Variants in GPC5 observed in about 807,000 individuals in gnomAD.
GPC5 encodes the protein glypican 5.
A neutral mutation model predicts 53.9 loss-of-function variants in GPC5; 47 were observed. The ratio of observed to expected loss-of-function variants is 0.87; its 90% confidence interval spans 0.69 to 1.11. The LOEUF (loss-of-function observed/expected upper bound fraction) is 1.11. Among genes scored for constraint, GPC5 ranks in the 50% most tolerant of loss-of-function variants. The probability of loss-of-function intolerance (pLI) is 0.00; values close to 1 mark genes in which losing one functional copy is unlikely to be tolerated. For synonymous variants in GPC5, 286 were observed against 263.3 expected, an observed-to-expected ratio of 1.09 and a Z score of -0.84; for missense variants, 748 against 713.1, an observed-to-expected ratio of 1.05 and a Z score of -0.56.
At chr13:91,860,103 C>G (rs1373128327) in intron 5 of GPC5, among the ~76,000 whole-genome samples, 3 of 152,060 alleles carry the variant, frequency 2.0e-5, no homozygotes, top group Non-Finnish European at 4.4e-5. Context: ...CTATTTGAAA[C>G]TATATAATAT....
chr13:92,779,482 G>C (rs1485524022), intron 7 of GPC5, among the ~76,000 whole-genome samples: 1 of 152,030 alleles, frequency 6.6e-6, no homozygotes, highest in Non-Finnish European at 1.5e-5. Context: ...TGTTTTCCCA[G>C]GTTGCATGGA....
At chr13:91,840,522 T>C (rs1264241579) in intron 5 of GPC5, among the ~76,000 whole-genome samples, 1 of 152,006 alleles carries the variant, frequency 6.6e-6, no homozygotes, top group South Asian at 2.1e-4. Context: ...TAAAACCTTC[T>C]GAGAATAAAA....
At chr13:91,615,132 C>T (rs1166846419) in intron 2 of GPC5, among the ~76,000 whole-genome samples, 1 of 152,118 alleles carries the variant, frequency 6.6e-6, no homozygotes. Context: ...TTTGTTCTCA[C>T]AGGATGTTTT....
intron 7 of GPC5, among the ~76,000 whole-genome samples, chr13:92,538,637 G>A (rs188859197): frequency 4.2e-5 from 6 of 142,522 alleles, no homozygotes; most frequent in South Asian, 2.3e-4. Flanking sequence ...AGCAGGCCCC[G>A]GTGTGTGATG....
intron 7 of GPC5, among the ~76,000 whole-genome samples, chr13:92,541,217 G>A (rs964382688): frequency 8.6e-5 from 13 of 151,738 alleles, no homozygotes; most frequent in Non-Finnish European, 1.8e-4. Flanking sequence ...GTGTAAGGTG[G>A]TACATGAAAA....
At chr13:92,703,052 A>T (rs971540660) in intron 7 of GPC5, among the ~76,000 whole-genome samples, 83 of 145,802 alleles carry the variant, frequency 5.7e-4, no homozygotes, top group Admixed American at 1.2e-3. Context: ...GCATATATAT[A>T]TATTTATTTA....
chr13:91,683,308 C>T (rs2035550050), intron 2 of GPC5, among the ~76,000 whole-genome samples: 1 of 152,052 alleles, frequency 6.6e-6, no homozygotes, highest in South Asian at 2.1e-4. Flanking sequence ...GCAGTGCAGC[C>T]CAGACCACAC....
chr13:91,992,414 A>G (rs1366200825), intron 6 of GPC5, among the ~76,000 whole-genome samples: 2 of 152,084 alleles, frequency 1.3e-5, no homozygotes, highest in African/African-American at 2.4e-5. Context: ...TATTATGAAA[A>G]AAATTTAGAA....
At chr13:92,299,825 A>G (rs2043063051) in intron 7 of GPC5, among the ~76,000 whole-genome samples, 1 of 152,296 alleles carries the variant, frequency 6.6e-6, no homozygotes, top group African/African-American at 2.4e-5. Context: ...TTAAATCTAA[A>G]TATTTTATAC....
At chr13:92,495,405 A>C (rs1340405082) in intron 7 of GPC5, among the ~76,000 whole-genome samples, 4 of 152,168 alleles carry the variant, frequency 2.6e-5, no homozygotes, top group Non-Finnish European at 5.9e-5. Flanking sequence ...ATTCATACCT[A>C]GCAGCATACC....
intron 5 of GPC5, among the ~76,000 whole-genome samples, chr13:91,880,240 T>A (rs1314739141): frequency 1.3e-5 from 2 of 152,096 alleles, no homozygotes; most frequent in African/African-American, 4.8e-5. Context: ...CGTATTTAAC[T>A]TTCTAAGATA....
intron 7 of GPC5, among the ~76,000 whole-genome samples, chr13:92,320,325 C>T (rs899702518): frequency 2.0e-5 from 3 of 151,998 alleles, no homozygotes; most frequent in Admixed American, 2.0e-4. Flanking sequence ...CAAGTATCAG[C>T]CATTGTGTTG....
chr13:92,575,806 T>C (rs1883172450), intron 7 of GPC5, among the ~76,000 whole-genome samples: 1 of 152,156 alleles, frequency 6.6e-6, no homozygotes, highest in African/African-American at 2.4e-5. Context: ...TTAACTCCAG[T>C]GTATCTTCAG....
intron 7 of GPC5, among the ~76,000 whole-genome samples, chr13:92,493,654 T>C (rs1409488127): frequency 6.6e-6 from 1 of 152,196 alleles, no homozygotes; most frequent in Non-Finnish European, 1.5e-5. Context: ...GTTCAGTAAT[T>C]CCTAATTTAA....
At position 92,573,988 on chromosome 13, in the gene GPC5, C is replaced by T. The variant is rs143401943; in HGVS notation, c.1562-292294C>T. On this transcript the variant is annotated intron_variant, in intron 7 of 7. Coordinates refer to ENST00000377067, the MANE Select transcript of GPC5 (RefSeq NM_004466.6). Reference sequence around the variant, plus strand: ...GAACAGCAATCGCACCTTCTCCAACCTCCAACAAGGCCTGAACCTGAGCCC... The same window carrying T: ...GAACAGCAATCGCACCTTCTCCAACTTCCAACAAGGCCTGAACCTGAGCCC... Among the ~76,000 whole-genome samples the T allele has an allele frequency of 1.0e-2, 1,521 of 152,306 alleles. 24 individuals are homozygous for T. Among genetic ancestry groups the T allele is most frequent in the African/African-American group, 0.035 (1,452 of 41,574 alleles).
rs564748902 is a variant in GPC5, at chr13:92,763,372, G to C, written c.1562-102910G>C. On this transcript the variant is annotated intron_variant, in intron 7 of 7. Coordinates refer to ENST00000377067, the MANE Select transcript of GPC5 (RefSeq NM_004466.6). ...CTTCCATTCAGCTTCTTCAGCTTTG[G>C]TCAATGTTTGTTAGCATGACTATGG... Among the ~76,000 whole-genome samples, 6 of 109,306 alleles carry C rather than the reference G, an allele frequency of 5.5e-5. No individual in the cohort carries two copies. In the East Asian group the frequency reaches 6.2e-3, roughly 114 times the overall value. The allele number at this position is 109,306 out of a possible 152,430, so 71.7% of individuals were successfully genotyped here. A position where few individuals can be genotyped will look rare whatever the true frequency, so the allele number is the denominator to read the frequency against.
intron 7 of GPC5, among the ~76,000 whole-genome samples, chr13:92,516,159 T>A (rs1340843660): frequency 2.6e-5 from 4 of 151,932 alleles, no homozygotes; most frequent in African/African-American, 9.7e-5. Flanking sequence ...TACAGCTAAT[T>A]TTTTTTCTAC....
At chr13:92,280,454 A>G (rs554302263) in intron 7 of GPC5, among the ~76,000 whole-genome samples, 166 of 152,140 alleles carry the variant, frequency 1.1e-3, no homozygotes, top group Non-Finnish European at 1.8e-3. Context: ...TGTTGTCAAT[A>G]TCGGATCCTG....
intron 7 of GPC5, among the ~76,000 whole-genome samples, chr13:92,465,956 G>A (rs1878673401): frequency 6.6e-6 from 1 of 151,780 alleles, no homozygotes; most frequent in Non-Finnish European, 1.5e-5. Context: ...ACCAGAGGAT[G>A]GGGGAGGGGT....
Sources: gnomAD v4.1 joint callset for allele counts (sites outside exome capture counted in the v4.1 genomes callset) on GRCh38, gnomAD v4.1.1 for gene constraint, MANE v1.5 for transcripts, NCBI Gene and HGNC (gene_info 2026-07-23, HGNC 2026-07-21) for gene names.